Variants in KCNIP4 observed in about 807,000 individuals in gnomAD.
KCNIP4 encodes potassium voltage-gated channel interacting protein 4.
Under a neutral mutation model 34.0 loss-of-function variants are expected in KCNIP4, and 12 were observed. The observed-to-expected ratio is 0.35, with a 90% confidence interval of 0.23 to 0.57. The LOEUF (loss-of-function observed/expected upper bound fraction) is 0.57. Ranked by LOEUF, KCNIP4 falls within the 20% of genes least tolerant of loss-of-function variation. The probability of loss-of-function intolerance (pLI) is 0.83; values close to 1 mark genes in which losing one functional copy is unlikely to be tolerated. For missense variants in KCNIP4, 238 were observed against 311.7 expected (o/e 0.76, Z 1.78); for synonymous variants, 124 against 102.2 (o/e 1.21, Z -1.29).
chr4:21,920,010 T>C (rs1039093294), intron 1 of KCNIP4, among the ~76,000 whole-genome samples: 8 of 152,186 alleles, frequency 5.3e-5, no homozygotes, highest in Non-Finnish European at 8.8e-5. Flanking sequence ...GAAAGACACA[T>C]ATTTGAAGAA....
intron 1 of KCNIP4, among the ~76,000 whole-genome samples, chr4:21,746,646 T>C (rs1357984513): frequency 1.3e-5 from 2 of 151,976 alleles, no homozygotes; most frequent in Non-Finnish European, 2.9e-5. Flanking sequence ...AAGATATCTT[T>C]ACTAAAATAT....
intron 1 of KCNIP4, among the ~76,000 whole-genome samples, chr4:21,757,793 C>CTAT (rs1161055924): frequency 6.6e-6 from 1 of 152,106 alleles, no homozygotes; most frequent in Non-Finnish European, 1.5e-5. Flanking sequence ...GCGATGAAGC[C>CTAT]ACATAAATGA....
intron 3 of KCNIP4, among the ~76,000 whole-genome samples, chr4:20,783,339 T>C (rs750074135): frequency 6.6e-6 from 1 of 152,222 alleles, no homozygotes; most frequent in Admixed American, 6.5e-5. Context: ...ACCAATTTAC[T>C]GTATTAGTCA....
chr4:20,977,853 T>C (rs963021724), intron 1 of KCNIP4, among the ~76,000 whole-genome samples: 1 of 152,238 alleles, frequency 6.6e-6, no homozygotes, highest in African/African-American at 2.4e-5. Context: ...CAAAATCTTC[T>C]AGATGGCTCC....
At chr4:21,938,116 C>T (rs1242636937) in intron 1 of KCNIP4, among the ~76,000 whole-genome samples, 1 of 152,098 alleles carries the variant, frequency 6.6e-6, no homozygotes, top group Non-Finnish European at 1.5e-5. Flanking sequence ...CACAGTTCTC[C>T]CTGCCTGAAA....
At chr4:21,674,454 A>C (rs1202157360) in intron 1 of KCNIP4, among the ~76,000 whole-genome samples, 1 of 152,228 alleles carries the variant, frequency 6.6e-6, no homozygotes, top group Non-Finnish European at 1.5e-5. Flanking sequence ...TTAGCCCATA[A>C]TGGCTACAAG....
At chr4:21,224,496 G>A (rs1758214056) in intron 1 of KCNIP4, among the ~76,000 whole-genome samples, 2 of 150,274 alleles carry the variant, frequency 1.3e-5, no homozygotes, top group African/African-American at 4.9e-5. Context: ...ATGAGTTTGG[G>A]TTGGACACAA....
At chr4:21,490,353 C>G (rs757602321) in intron 1 of KCNIP4, among the ~76,000 whole-genome samples, 2 of 152,064 alleles carry the variant, frequency 1.3e-5, no homozygotes, top group Non-Finnish European at 2.9e-5. Flanking sequence ...GACATATTTA[C>G]TTACTTTCAT....
At chr4:21,432,392 G>T (rs2109671501) in intron 1 of KCNIP4, among the ~76,000 whole-genome samples, 1 of 151,800 alleles carries the variant, frequency 6.6e-6, no homozygotes, top group South Asian at 2.1e-4. Context: ...AAAGCACAAT[G>T]GTTCCCACAA....
chr4:21,528,872 G>A (rs11722111), intron 1 of KCNIP4, among the ~76,000 whole-genome samples: 23,879 of 131,632 alleles, frequency 0.18, 3,092 homozygotes, highest in Middle Eastern at 0.28. Flanking sequence ...AGGAAGGAAG[G>A]GAAATTCAAT....
At chr4:21,186,961 C>G (rs1010391427) in intron 1 of KCNIP4, among the ~76,000 whole-genome samples, 2 of 152,078 alleles carry the variant, frequency 1.3e-5, no homozygotes, top group African/African-American at 4.8e-5. Context: ...TTTAATAGCC[C>G]AACTTCACAG....
intron 1 of KCNIP4, among the ~76,000 whole-genome samples, chr4:21,430,415 T>TG (rs1282909273): frequency 2.0e-5 from 3 of 148,068 alleles, no homozygotes; most frequent in Admixed American, 6.7e-5. Flanking sequence ...CAGAACAGTA[T>TG]GGGGGGGTGG....
At chr4:20,889,834 C>T (rs1725732918) in intron 1 of KCNIP4, among the ~76,000 whole-genome samples, 2 of 149,712 alleles carry the variant, frequency 1.3e-5, no homozygotes, top group Non-Finnish European at 3.0e-5. Context: ...AACCAAACTG[C>T]TAGTATACTA....
At chr4:21,634,223 CAAAAAAAAAA>C (rs376741978) in intron 1 of KCNIP4, among the ~76,000 whole-genome samples, 1 of 112,520 alleles carries the variant, frequency 8.9e-6, no homozygotes, top group Non-Finnish European at 1.8e-5. Flanking sequence ...GTTCTTTCCT[CAAAAAAAAAA>C]AAAAAAAAAA....
At chr4:20,762,005 T>G (rs892292937) in intron 3 of KCNIP4, among the ~76,000 whole-genome samples, 1 of 152,156 alleles carries the variant, frequency 6.6e-6, no homozygotes, top group African/African-American at 2.4e-5. Context: ...GGAACCTCTA[T>G]CCAACTAGAA....
chr4:21,358,487 A>C (rs1443940816), intron 1 of KCNIP4, among the ~76,000 whole-genome samples: 1 of 152,134 alleles, frequency 6.6e-6, no homozygotes, highest in Non-Finnish European at 1.5e-5. Context: ...GAGTTATTAC[A>C]TAGCTCAAAC....
At position 21,080,461 on chromosome 4, in the gene KCNIP4, T is replaced by C. The variant is rs73802452; in HGVS notation, c.62-197752A>G. 9.9e-3 allele frequency among the ~76,000 whole-genome samples: 1,502 copies of C among 151,990 alleles called. 51 individuals carry two copies. The highest frequency in any genetic ancestry group is 0.033 in the African/African-American group (1,349 of 41,336). On this transcript the variant is annotated intron_variant, in intron 1 of 8. Coordinates refer to ENST00000382152, the MANE Select transcript of KCNIP4 (RefSeq NM_025221.6). ...ATAAGATCTTTCTTCCTTAAATTTA[T>C]AGAGTACTTTACCTTAACAATATTT...
At chr4:21,182,061 T>C (rs1046482489) in intron 1 of KCNIP4, among the ~76,000 whole-genome samples, 1 of 152,148 alleles carries the variant, frequency 6.6e-6, no homozygotes, top group Non-Finnish European at 1.5e-5. Context: ...TGATATTGGA[T>C]GTTATAAGTG....
intron 1 of KCNIP4, among the ~76,000 whole-genome samples, chr4:21,007,474 C>T (rs1560640428): frequency 6.6e-6 from 1 of 152,108 alleles, no homozygotes; most frequent in Non-Finnish European, 1.5e-5. Context: ...CCCTGTCATG[C>T]TTTCAAAAAC....
Sources: allele counts gnomAD v4.1 joint callset (sites outside exome capture counted in the v4.1 genomes callset), GRCh38; gene constraint gnomAD v4.1.1; transcripts MANE v1.5; gene names NCBI Gene and HGNC (gene_info 2026-07-23, HGNC 2026-07-21).